Variants in PRDM5 observed in about 807,000 individuals in gnomAD.
PRDM5 encodes PR/SET domain 5.
PRDM5 carries 56 observed loss-of-function variants against 81.2 expected under a neutral mutation model. That is an observed-to-expected ratio of 0.69 (90% CI 0.56 to 0.86). The LOEUF (loss-of-function observed/expected upper bound fraction) is 0.86. PRDM5 is among the 40% of genes least tolerant of loss of function. The probability of loss-of-function intolerance (pLI) is 0.00; values close to 1 mark genes in which losing one functional copy is unlikely to be tolerated. For missense variants in PRDM5, 697 were observed against 770.1 expected (o/e 0.91, Z 1.12); for synonymous variants, 267 against 256.4 (o/e 1.04, Z -0.39).
At chr4:120,729,928 G>C (rs2149081346) in intron 14 of PRDM5, among the ~76,000 whole-genome samples, 1 of 152,268 alleles carries the variant, frequency 6.6e-6, no homozygotes, top group East Asian at 1.9e-4. Flanking sequence ...ATGTACTGAG[G>C]GAGTCCGGTA....
chr4:120,781,095 C>A (rs1457041477), intron 12 of PRDM5, 48 bp downstream of exon 12: 1 of 1,523,248 alleles, frequency 6.6e-7, no homozygotes, highest in Admixed American at 1.7e-5. Context: ...TATACCCATA[C>A]TGCTTAAACA....
intron 14 of PRDM5, among the ~76,000 whole-genome samples, chr4:120,712,182 A>G (rs1737098054): frequency 6.6e-6 from 1 of 152,056 alleles, no homozygotes; most frequent in Admixed American, 6.6e-5. Flanking sequence ...GCTACTCGGG[A>G]GGCTGAGGCA....
At chr4:120,771,830 C>T (rs1170031957) in intron 13 of PRDM5, among the ~76,000 whole-genome samples, 1 of 152,110 alleles carries the variant, frequency 6.6e-6, no homozygotes, top group Admixed American at 6.6e-5. Flanking sequence ...AAACACAATT[C>T]ATTTAACTTT....
intron 1 of PRDM5, among the ~76,000 whole-genome samples, chr4:120,685,418 T>C (rs1212084342): frequency 1.3e-5 from 2 of 152,136 alleles, no homozygotes; most frequent in East Asian, 1.9e-4. Context: ...ATGTGTTAAA[T>C]TGGTAAGTAC....
intron 15 of PRDM5, among the ~76,000 whole-genome samples, chr4:120,704,737 A>C (rs2149010284): frequency 6.6e-6 from 1 of 152,266 alleles, no homozygotes; most frequent in Admixed American, 6.5e-5. Context: ...CATGGCTTGG[A>C]GAGAAGAAGG....
intron 2 of PRDM5, among the ~76,000 whole-genome samples, chr4:120,877,311 C>A (rs1266595760): frequency 1.3e-5 from 2 of 152,196 alleles, no homozygotes; most frequent in Non-Finnish European, 1.5e-5. Flanking sequence ...ATGGCTATTT[C>A]CATGTACCAC....
intron 2 of PRDM5, among the ~76,000 whole-genome samples, chr4:120,893,088 A>G (rs1561635507): frequency 6.6e-6 from 1 of 152,186 alleles, no homozygotes; most frequent in African/African-American, 2.4e-5. Context: ...CTTGGACTCA[A>G]AAGAGTTGCC....
At chr4:120,759,909 A>G (rs1476249326) in intron 13 of PRDM5, among the ~76,000 whole-genome samples, 1 of 152,242 alleles carries the variant, frequency 6.6e-6, no homozygotes, top group Non-Finnish European at 1.5e-5. Flanking sequence ...GCTAAAATGT[A>G]TAGAGTCTAC....
At chr4:120,830,928 C>A (rs1756638453) in intron 3 of PRDM5, among the ~76,000 whole-genome samples, 1 of 151,782 alleles carries the variant, frequency 6.6e-6, no homozygotes, top group African/African-American at 2.4e-5. Context: ...CTCTGAGGGG[C>A]TCAAGCAGAG....
chr4:120,879,122 T>C (rs2148573973), intron 2 of PRDM5, among the ~76,000 whole-genome samples: 1 of 152,292 alleles, frequency 6.6e-6, no homozygotes, highest in African/African-American at 2.4e-5. Context: ...TAATAATTAC[T>C]AAACTTTAGA....
intron 3 of PRDM5, among the ~76,000 whole-genome samples, chr4:120,843,134 C>A (rs939099718): frequency 7.9e-5 from 12 of 152,042 alleles, no homozygotes; most frequent in Admixed American, 7.9e-4. Context: ...GAGTTTGAGA[C>A]CAGCCTGGCC....
intron 1 of PRDM5, among the ~76,000 whole-genome samples, chr4:120,913,223 T>C (rs1766720555): frequency 6.6e-6 from 1 of 152,226 alleles, no homozygotes; most frequent in Non-Finnish European, 1.5e-5. Context: ...CTGAGTCAAC[T>C]AGAAAGTATA....
rs551731799 is a variant in PRDM5 at position 120,706,671 on chromosome 4, T to C, written c.1728+3638A>G. Among the ~76,000 whole-genome samples, 330 of 141,772 alleles carry C rather than the reference T, an allele frequency of 2.3e-3. 2 individuals carry two copies. Among genetic ancestry groups the C allele is most frequent in the Non-Finnish European group, 4.4e-3 (287 of 65,794 alleles). The allele number at this position is 141,772 out of a possible 152,430, so 93.0% of individuals were successfully genotyped here. A position where few individuals can be genotyped will look rare whatever the true frequency, so the allele number is the denominator to read the frequency against. The stretch of plus-strand genomic sequence containing the variant: ...AATGACTGTGCCTAAGAGGTTAAAG[T>C]AGTATTGATGAGTAACGTGTCATTT... On this transcript the variant is annotated intron_variant, in intron 15 of 15. Coordinates refer to ENST00000264808, the MANE Select transcript of PRDM5 (RefSeq NM_018699.4).
chr4:120,813,434 A>G (rs1242727276), intron 7 of PRDM5, among the ~76,000 whole-genome samples: 1 of 152,212 alleles, frequency 6.6e-6, no homozygotes, highest in African/African-American at 2.4e-5. Flanking sequence ...TTTTGAAGCA[A>G]ATCTAAAACA....
chr4:120,791,223 A>G (rs541493114), intron 10 of PRDM5, among the ~76,000 whole-genome samples: 1 of 152,294 alleles, frequency 6.6e-6, no homozygotes, highest in South Asian at 2.1e-4. Flanking sequence ...ATAGTTTTAA[A>G]GTTTTATATA....
intron 15 of PRDM5, among the ~76,000 whole-genome samples, chr4:120,704,948 T>C (rs1425175222): frequency 6.6e-6 from 1 of 152,034 alleles, no homozygotes; most frequent in African/African-American, 2.4e-5. Flanking sequence ...GAGAAATAAA[T>C]TGAAAATAAT....
At chr4:120,839,606 G>C (rs1377867154) in intron 3 of PRDM5, among the ~76,000 whole-genome samples, 2 of 152,312 alleles carry the variant, frequency 1.3e-5, no homozygotes, top group African/African-American at 4.8e-5. Context: ...GTCATGGGCA[G>C]GCCCAGAAAA....
chr4:120,795,704 G>A (rs1317087427), intron 10 of PRDM5, among the ~76,000 whole-genome samples: 3 of 152,066 alleles, frequency 2.0e-5, no homozygotes, highest in Non-Finnish European at 4.4e-5. Flanking sequence ...CTTGAGGTCA[G>A]GAGTTCTAGA....
intron 2 of PRDM5, among the ~76,000 whole-genome samples, chr4:120,869,389 T>A (rs1183506733): frequency 1.3e-5 from 2 of 152,158 alleles, no homozygotes; most frequent in Non-Finnish European, 2.9e-5. Context: ...ATGCAAGTGG[T>A]TTTCACTTGT....
Sources: gnomAD v4.1 joint callset for allele counts (sites outside exome capture counted in the v4.1 genomes callset) on GRCh38, gnomAD v4.1.1 for gene constraint, MANE v1.5 for transcripts, NCBI Gene and HGNC (gene_info 2026-07-23, HGNC 2026-07-21) for gene names.